Variants in SON observed in about 807,000 individuals in gnomAD.
The protein encoded by SON is protein SON.
In SON, 4 loss-of-function variants were observed where a neutral mutation model predicts 173.3. The ratio of observed to expected loss-of-function variants is 0.02; its 90% CI spans 0.01 to 0.05. The LOEUF (loss-of-function observed/expected upper bound fraction) is 0.05, where lower values mean the gene tolerates loss of function less well. SON is among the 10% of genes least tolerant of loss of function. The pLI, the probability that SON is intolerant of heterozygous loss-of-function variation, is 1.00. For missense variants in SON, 2,626 were observed against 3,055.3 expected (o/e 0.86, Z 3.31); for synonymous variants, 1,190 against 1,105.9 (o/e 1.08, Z -1.51).
intron 4 of SON, chr21:33,557,760 ATTGCCTGAAAGGAAC>A: frequency 7.3e-7 from 1 of 1,376,164 alleles, no homozygotes; most frequent in Non-Finnish European, 9.5e-7. Flanking sequence ...ATAGCTGGCC[ATTGCCTGAAAGGAAC>A]TTCTTTCGCA....
At chr21:33,564,290 A>G (rs533324688) in intron 6 of SON, among the ~76,000 whole-genome samples, 6 of 152,196 alleles carry the variant, frequency 3.9e-5, no homozygotes, top group Admixed American at 1.3e-4. Flanking sequence ...TTACATTTCA[A>G]GTGCTCAGTA....
At chr21:33,569,628 G>A (rs376914013) in intron 8 of SON, 3 of 462,984 alleles carry the variant, frequency 6.5e-6, no homozygotes, top group African/African-American at 4.0e-5. Context: ...CTCCTCTTGT[G>A]ACCTGTAGCC....
At chr21:33,543,209 T>G in intron 1 of SON, 40 bp downstream of exon 1, 1 of 1,543,834 alleles carries the variant, frequency 6.5e-7, no homozygotes, top group South Asian at 1.1e-5. Flanking sequence ...AACGGACCGT[T>G]AGGCCCTCAC....
At position 33,554,803 on chromosome 21, in the gene SON, C is replaced by T. The variant is rs267606111; in HGVS notation, c.5572C>T (p.Arg1858Cys). The change falls in exon 3 of 12, where the codon CGC (arginine) becomes TGC (cysteine). Residue 1858 changes from arginine (R) to cysteine (C), a missense_variant. Arg to Cys is a radical substitution (Grantham distance 180). Around this residue, in one of 13 missense-constraint regions of SON, gnomAD observed 1,006 missense variants for 895.6 expected, o/e 1.12. Coordinates refer to ENST00000356577, the MANE Select transcript of SON (RefSeq NM_138927.4). Reference protein sequence around the residue: ...RKRSSKSKSHRSQTRSRSRSR... With the variant: ...RKRSSKSKSHCSQTRSRSRSR... Reference sequence around the variant, plus strand: ...GAGATCATCTAAGTCCAAGTCTCATCGCTCTCAGACACGTTCACGGTCACG... The same window carrying T: ...GAGATCATCTAAGTCCAAGTCTCATTGCTCTCAGACACGTTCACGGTCACG... 6.2e-6 allele frequency: 10 copies of T among 1,613,872 alleles called. No homozygotes were observed. The highest frequency in any genetic ancestry group is 4.5e-5 in the East Asian group (2 of 44,880).
chr21:33,568,947 A>G, intron 7 of SON, 24 bp from the exon 8 acceptor site: 1 of 1,419,616 alleles, frequency 7.0e-7, no homozygotes, highest in South Asian at 1.2e-5. Context: ...TACTTAGTTA[A>G]CTGAGACTAC....
chr21:33,543,186 T>C lies in SON; in HGVS notation c.77+17T>C. On this transcript the variant is annotated intron_variant, in intron 1 of 11. Transcript: ENST00000356577. ...GCTTTCCAGGTAAACGCCTCCCAGA[T>C]TCTTCTGCTCCCAACGGACCGTTAG... 6.2e-7 allele frequency: 1 copy of C among 1,607,064 alleles called. No individual in the cohort carries two copies. The highest frequency in any genetic ancestry group is 1.1e-5 in the South Asian group (1 of 90,916).
Position 33,553,031 on chromosome 21 carries a change from CAGT to C in SON, c.3806_3808del (p.Val1269del). ...ATTACGTTAACACCTGTAGAGTCTG[CAGT>C]AGTAGCAGAAGAACATGAAGTTGTT... On this transcript the variant is annotated inframe_deletion, in exon 3 of 12. Transcript: ENST00000356577. The C allele has an allele frequency of 6.2e-7, 1 of 1,614,116 alleles. No homozygotes were observed. The highest frequency in any genetic ancestry group is 2.2e-5 in the East Asian group (1 of 44,882).
In SON at chr21:33,549,675, A is replaced by G; in HGVS notation, c.444A>G (p.Ile148Met). The change falls in exon 3 of 12, where the codon ATA (isoleucine) becomes ATG (methionine). Residue 148 changes from isoleucine (I) to methionine (M), a missense_variant. Coordinates refer to ENST00000356577, the MANE Select transcript of SON (RefSeq NM_138927.4). ...SKTKSHDDGN[I>M]DLESDSFLKF... ...CGAAATCTCATGATGATGGGAACATAGATTTAGAATCTGATTCCTTTTTAA... is the reference window on the plus strand; with the variant it reads ...CGAAATCTCATGATGATGGGAACATGGATTTAGAATCTGATTCCTTTTTAA... 1 of 1,612,412 alleles carries G rather than the reference A, an allele frequency of 6.2e-7. No homozygotes were observed. The highest frequency in any genetic ancestry group is 8.5e-7 in the Non-Finnish European group (1 of 1,179,584).
At chr21:33,547,859 C>T (rs1162509746) in intron 2 of SON, among the ~76,000 whole-genome samples, 2 of 149,836 alleles carry the variant, frequency 1.3e-5, no homozygotes, top group African/African-American at 4.9e-5. Flanking sequence ...GGACTACAGG[C>T]GCACACCACC....
Position 33,559,248 on chromosome 21 carries a change from C to G in SON, c.6340C>G (p.Gln2114Glu), listed in dbSNP as rs1049884532. The stretch of plus-strand genomic sequence containing the variant: ...TTTAAAGAAATGTAAACAGATCGCA[C>G]AGAGTAAAGAAGATGATGATGTAAT... ...ELTEKCKQIA[Q>E]SKEDDDVIVN... Residue 2114 changes from glutamine (Q) to glutamate (E), a missense_variant, in exon 5 of 12, where the codon CAG (glutamine) becomes GAG (glutamate). Transcript: ENST00000356577. The surrounding 1 kb of genome is among the most constrained non-coding windows in gnomAD (Gnocchi z 4.1). 1.5e-5 allele frequency: 24 copies of G among 1,588,030 alleles called. No homozygotes were observed. Among genetic ancestry groups the G allele is most frequent in the Non-Finnish European group, 2.1e-5 (24 of 1,170,386 alleles).
intron 6 of SON, among the ~76,000 whole-genome samples, chr21:33,562,959 C>T (rs1346231201): frequency 6.6e-6 from 1 of 152,082 alleles, no homozygotes; most frequent in African/African-American, 2.4e-5. Context: ...CTAGTGAATG[C>T]TTAGATGTTA....
Position 33,559,121 on chromosome 21 carries a change from G to C in SON, c.6322-109G>C, listed in dbSNP as rs1486655690. 7 of 848,670 alleles carry C rather than the reference G, an allele frequency of 8.2e-6. No individual in the cohort carries two copies. The East Asian group carries it at 1.6e-4, about 20-fold the overall frequency. The allele number at this position is 848,670 out of a possible 1,614,324, so 52.6% of individuals were successfully genotyped here. A position where few individuals can be genotyped will look rare whatever the true frequency, so the allele number is the denominator to read the frequency against. Reference sequence around the variant, plus strand: ...AAGTTACGTATCTATAACCTATCATGAATCTTGTTTAACTTTGGAAAGTTG... The same window carrying C: ...AAGTTACGTATCTATAACCTATCATCAATCTTGTTTAACTTTGGAAAGTTG... On this transcript the variant is annotated intron_variant, in intron 4 of 11. Transcript: ENST00000356577. The surrounding 1 kb of genome is among the most constrained non-coding windows in gnomAD (Gnocchi z 4.1).
At position 33,559,732 on chromosome 21, in the gene SON, A is replaced by G. The variant is rs925326864; in HGVS notation, c.6614A>G (p.Asn2205Ser). The change falls in exon 6 of 12, where the codon AAC (asparagine) becomes AGC (serine). Residue 2205 changes from asparagine to serine, a missense_variant. Around this residue, in one of 13 missense-constraint regions of SON, gnomAD observed 75 missense variants for 201.6 expected, o/e 0.37. Transcript: ENST00000356577. The surrounding 1 kb of genome is among the most constrained non-coding windows in gnomAD (Gnocchi z 4.1). ...CCTGTGGAGAAAAATGGTGAAGAAA[A>G]CAAAGATGATGATAATGTTTTCAGC... The part of the protein sequence containing the change: ...WVPVEKNGEE[N>S]KDDDNVFSSN... 36 of 1,614,066 alleles carry G rather than the reference A, an allele frequency of 2.2e-5. No individual in the cohort carries two copies. The highest frequency in any genetic ancestry group is 2.9e-5 in the Non-Finnish European group (34 of 1,180,036).
rs1488734922 is a variant in SON, at chr21:33,554,566, GCTTCAGAGTCTT to G, written c.5344_5355del (p.Ser1782_Glu1785del). On this transcript the variant is annotated inframe_deletion, in exon 3 of 12. Coordinates refer to ENST00000356577, the MANE Select transcript of SON (RefSeq NM_138927.4). ...GGTTGTAAGTAGTATGCCAGAAAGA[GCTTCAGAGTCTT>G]CTTCAGAGGAAAAAGATGATTATGA... 4 of 1,613,874 alleles carry G rather than the reference GCTTCAGAGTCTT, an allele frequency of 2.5e-6. No homozygotes were observed. The highest frequency in any genetic ancestry group is 2.2e-5 in the East Asian group (1 of 44,898).
chr21:33,570,950 T>C lies in SON; in HGVS notation c.6885+1863T>C, dbSNP rs1473857863. ...AAAAGTGAATCTTTTACTGACTCAATTGGTTTTCCCCTAAAATAATTTCTT... is the reference window on the plus strand; with the variant it reads ...AAAAGTGAATCTTTTACTGACTCAACTGGTTTTCCCCTAAAATAATTTCTT... On this transcript the variant is annotated intron_variant, in intron 8 of 11. Transcript: ENST00000356577. Among the ~76,000 whole-genome samples the C allele has an allele frequency of 2.0e-5, 3 of 152,216 alleles. No homozygotes were observed. The East Asian group carries it at 5.8e-4, about 29-fold the overall frequency.
At chr21:33,566,806 T>G (rs1405828280) in intron 6 of SON, among the ~76,000 whole-genome samples, 2 of 152,156 alleles carry the variant, frequency 1.3e-5, no homozygotes, top group African/African-American at 4.8e-5. Flanking sequence ...TTCAAAAAAT[T>G]TGCAGTTTAC....
In SON at chr21:33,551,526, G is replaced by A. The variant is rs779798889; in HGVS notation, c.2295G>A (p.Met765Ile). ...CGTCTAGCACCATGGACTCCCAGAT[G>A]TTAGCAACTAGCTCCATGGACTCCC... ...MLASSTMDSQ[M>I]LATSSMDSQM... is the part of the protein sequence containing the mutation. Residue 765 changes from methionine (M) to isoleucine (I), a missense_variant, in exon 3 of 12, where the codon ATG becomes ATA. By Grantham distance (10) the Met-to-Ile change is conservative. Coordinates refer to ENST00000356577, the MANE Select transcript of SON (RefSeq NM_138927.4). 5 of 1,613,966 alleles carry A rather than the reference G, an allele frequency of 3.1e-6. No homozygotes were observed. The Admixed American group carries it at 5.0e-5, about 16-fold the overall frequency.
chr21:33,559,561 T>C lies in SON; in HGVS notation c.6469-26T>C. The C allele has an allele frequency of 6.3e-7, 1 of 1,590,024 alleles. No homozygotes were observed. Among genetic ancestry groups the C allele is most frequent in the Non-Finnish European group, 8.6e-7 (1 of 1,169,278 alleles). ...TTAATGTAGATATCATATTGAGCTT[T>C]AATTAAGAAACACTTTATTTTTTAG... is the stretch of plus-strand genomic sequence containing the variant. On this transcript the variant is annotated intron_variant, in intron 5 of 11. Transcript: ENST00000356577. The surrounding 1 kb of genome is among the most constrained non-coding windows in gnomAD (Gnocchi z 4.1).
chr21:33,555,309 A>G lies in SON; in HGVS notation c.6078A>G (p.Arg2026=). ...RLRRSRTPLR[R]RFSRSPIRRK... ...GGCGATCAAGAACACCCTTAAGAAG[A>G]AGGTTTAGCAGATCTCCCATCCGTC... The change falls in exon 3 of 12, where the codon AGA becomes AGG. Residue 2026 remains arginine, a synonymous_variant. Coordinates refer to ENST00000356577, the MANE Select transcript of SON (RefSeq NM_138927.4). 2 of 1,609,172 alleles carry G rather than the reference A, an allele frequency of 1.2e-6. No individual in the cohort carries two copies. The highest frequency in any genetic ancestry group is 1.7e-6 in the Non-Finnish European group (2 of 1,177,864).
Sources: allele counts gnomAD v4.1 joint callset (sites outside exome capture counted in the v4.1 genomes callset), GRCh38; gene constraint gnomAD v4.1.1; regional missense constraint gnomAD v4.1.1; non-coding constraint Gnocchi (gnomAD v3.1); transcripts MANE v1.5; gene names NCBI Gene and HGNC (gene_info 2026-07-23, HGNC 2026-07-21).